The following SEPTIN7 variants were observed in gnomAD, a reference collection of about 807,000 sequenced individuals.
SEPTIN7 encodes the protein septin-7.
SEPTIN7 carries 10 observed loss-of-function variants against 63.3 expected under a neutral mutation model. The observed-to-expected ratio is 0.16, with a 90% CI of 0.10 to 0.27. The LOEUF (loss-of-function observed/expected upper bound fraction) is 0.27, where lower values mean the gene tolerates loss of function less well. SEPTIN7 is among the 10% of genes least tolerant of loss of function. The pLI is 1.00. For synonymous variants in SEPTIN7, 131 were observed against 165.3 expected (o/e 0.79, Z 1.59); for missense variants, 310 against 521.0 (o/e 0.59, Z 3.94).
At chr7:35,842,390 T>C (rs1202362820) in intron 3 of SEPTIN7, among the ~76,000 whole-genome samples, 1 of 151,968 alleles carries the variant, frequency 6.6e-6, no homozygotes, top group Non-Finnish European at 1.5e-5. Flanking sequence ...TTTTCATGTA[T>C]TTATATCTAG....
At chr7:35,813,981 G>C (rs1195702647) in intron 1 of SEPTIN7, among the ~76,000 whole-genome samples, 1 of 151,910 alleles carries the variant, frequency 6.6e-6, no homozygotes, top group South Asian at 2.1e-4. Flanking sequence ...CATTAGTTTA[G>C]AACTTCAACA....
At chr7:35,901,799 CTT>C (rs1000847601) in intron 12 of SEPTIN7, 1 of 152,030 alleles carries the variant, frequency 6.6e-6, no homozygotes, top group Non-Finnish European at 1.5e-5. Flanking sequence ...ATATGTGACT[CTT>C]TTCATTTAAA....
In SEPTIN7 at chr7:35,834,618, A is replaced by G. The variant is rs184355223; in HGVS notation, c.169+1718A>G. Among the ~76,000 whole-genome samples the G allele has an allele frequency of 3.6e-4, 55 of 152,234 alleles. 1 individual carries two copies. The highest frequency in any genetic ancestry group is 1.3e-3 in the African/African-American group (52 of 41,570). On this transcript the variant is annotated intron_variant, in intron 3 of 13. Transcript: ENST00000350320. ...TCTGTTTTCCCACTGAGCCTTGAAC[A>G]TTGTTTAATTAACTACATTTGAATA...
chr7:35,880,094 T>G (rs181939885), intron 7 of SEPTIN7, among the ~76,000 whole-genome samples, 154 bp downstream of exon 7: 36 of 152,252 alleles, frequency 2.4e-4, no homozygotes, highest in Non-Finnish European at 4.3e-4. Context: ...ATCTTCTGCC[T>G]TTGTCAGTTT....
intron 1 of SEPTIN7, among the ~76,000 whole-genome samples, chr7:35,827,403 T>TTACA: frequency 6.6e-6 from 1 of 152,352 alleles, no homozygotes; most frequent in Non-Finnish European, 1.5e-5. Context: ...GTCTTTTGAA[T>TTACA]TACAGACTAT....
At chr7:35,808,385 T>C (rs1788489588) in intron 1 of SEPTIN7, among the ~76,000 whole-genome samples, 1 of 152,220 alleles carries the variant, frequency 6.6e-6, no homozygotes, top group South Asian at 2.1e-4. Flanking sequence ...TTTTTTCCAA[T>C]GAGTGTAATT....
Position 35,818,460 on chromosome 7 carries a change from A to C in SEPTIN7, c.62-13032A>C, listed in dbSNP as rs181584854. Among the ~76,000 whole-genome samples, 355 of 152,054 alleles carry C rather than the reference A, an allele frequency of 2.3e-3. 2 individuals are homozygous for C. Among genetic ancestry groups the C allele is most frequent in the Admixed American group, 9.2e-3 (141 of 15,280 alleles). ...TGTTTGGTTTTGGTATCAGAGTAAAACTGGCCTCATAAAATGAGTTGGGAA... is the reference window on the plus strand; with the variant it reads ...TGTTTGGTTTTGGTATCAGAGTAAACCTGGCCTCATAAAATGAGTTGGGAA... On this transcript the variant is annotated intron_variant, in intron 1 of 13. Coordinates refer to ENST00000350320, the MANE Select transcript of SEPTIN7 (RefSeq NM_001788.6).
chr7:35,911,490 T>C (rs1023596447), downstream of SEPTIN7, among the ~76,000 whole-genome samples: 1 of 152,206 alleles, frequency 6.6e-6, no homozygotes, highest in Non-Finnish European at 1.5e-5. Flanking sequence ...TTGCAGAACA[T>C]GCAGAGATGC....
At chr7:35,890,814 C>G (rs1239223435) in intron 11 of SEPTIN7, 21 bp downstream of exon 11, 1 of 1,488,438 alleles carries the variant, frequency 6.7e-7, no homozygotes, top group African/African-American at 1.4e-5. Context: ...ATTTTTTTCT[C>G]CAAAAAGGTA....
intron 3 of SEPTIN7, among the ~76,000 whole-genome samples, chr7:35,857,102 G>A (rs1281080577): frequency 2.6e-5 from 4 of 151,808 alleles, no homozygotes; most frequent in Non-Finnish European, 4.4e-5. Flanking sequence ...TAGAAATATT[G>A]GGGGGGCAAA....
At chr7:35,826,682 T>G (rs1465548744) in intron 1 of SEPTIN7, among the ~76,000 whole-genome samples, 2 of 152,094 alleles carry the variant, frequency 1.3e-5, no homozygotes, top group Admixed American at 6.6e-5. Context: ...CTGATTTTTA[T>G]TAGGCATCCA....
intron 6 of SEPTIN7, among the ~76,000 whole-genome samples, chr7:35,876,132 C>T (rs541514307): frequency 1.1e-4 from 17 of 152,132 alleles, no homozygotes; most frequent in African/African-American, 4.1e-4. Flanking sequence ...TGTTCTTTGA[C>T]CCTTTGGTTA....
intron 11 of SEPTIN7, among the ~76,000 whole-genome samples, chr7:35,891,419 A>T (rs933023328): frequency 1.3e-5 from 2 of 152,184 alleles, no homozygotes; most frequent in Non-Finnish European, 2.9e-5. Flanking sequence ...CACCTAGGTT[A>T]TGTGGTCTAG....
At chr7:35,824,889 G>A (rs1179694121) in intron 1 of SEPTIN7, among the ~76,000 whole-genome samples, 2 of 152,030 alleles carry the variant, frequency 1.3e-5, no homozygotes, top group Non-Finnish European at 2.9e-5. Context: ...AGATATTTTT[G>A]ATTCTTATAC....
At chr7:35,873,285 G>T (rs1292277154) in intron 5 of SEPTIN7, among the ~76,000 whole-genome samples, 1 of 151,872 alleles carries the variant, frequency 6.6e-6, no homozygotes, top group Non-Finnish European at 1.5e-5. Flanking sequence ...AAACTCCCAA[G>T]TTCACCATGA....
intron 1 of SEPTIN7, among the ~76,000 whole-genome samples, chr7:35,808,074 C>T (rs1788466157): frequency 6.6e-6 from 1 of 152,094 alleles, no homozygotes; most frequent in African/African-American, 2.4e-5. Flanking sequence ...GCCTTGGCTT[C>T]CTAAAGTGCT....
rs544853496 is a variant in SEPTIN7, at chr7:35,850,749, A to G, written c.170-12803A>G. ...TCTGCCTTGTTTGTACATTGTTTGC[A>G]TATCTTACCTCTTGTAGCATACTAA... is the stretch of plus-strand genomic sequence containing the variant. On this transcript the variant is annotated intron_variant, in intron 3 of 13. Transcript: ENST00000350320. Among the ~76,000 whole-genome samples, 14 of 152,228 alleles carry G rather than the reference A, an allele frequency of 9.2e-5. No homozygotes were observed. The South Asian group carries it at 2.9e-3, about 32-fold the overall frequency.
intron 4 of SEPTIN7, among the ~76,000 whole-genome samples, chr7:35,864,584 G>T (rs1056466018): frequency 6.6e-6 from 1 of 152,142 alleles, no homozygotes; most frequent in Non-Finnish European, 1.5e-5. Context: ...TATATTGATT[G>T]TATACTGCAG....
At chr7:35,875,151 G>C (rs1786395609) in intron 6 of SEPTIN7, among the ~76,000 whole-genome samples, 1 of 152,096 alleles carries the variant, frequency 6.6e-6, no homozygotes. Flanking sequence ...AAAATTGCAT[G>C]GGAAATGAGA....
Sources: allele counts gnomAD v4.1 joint callset (sites outside exome capture counted in the v4.1 genomes callset), GRCh38; gene constraint gnomAD v4.1.1; transcripts MANE v1.5; gene names NCBI Gene and HGNC (gene_info 2026-07-23, HGNC 2026-07-21).